PTN: variants seen among roughly 807,000 people sequenced by gnomAD.
PTN encodes heparin affin regulatory protein.
Under a neutral mutation model 24.1 loss-of-function variants are expected in PTN, and 18 were observed. That is an observed-to-expected ratio of 0.75 (90% confidence interval 0.52 to 1.11). The LOEUF (loss-of-function observed/expected upper bound fraction) is 1.11. PTN is among the 50% of genes least tolerant of loss of function. The pLI is 0.00. For missense variants in PTN, 163 were observed against 198.8 expected (o/e 0.82, Z 1.08); for synonymous variants, 78 against 68.6 (o/e 1.14, Z -0.67).
At chr7:137,274,187 A>G (rs1041088202) in intron 1 of PTN, among the ~76,000 whole-genome samples, 2 of 152,112 alleles carry the variant, frequency 1.3e-5, no homozygotes, top group East Asian at 3.9e-4. Context: ...CCTCCCTGCC[A>G]CACCCAATAG....
At chr7:137,340,553 A>G (rs1171251663) in intron 1 of PTN, among the ~76,000 whole-genome samples, 1 of 152,222 alleles carries the variant, frequency 6.6e-6, no homozygotes, top group South Asian at 2.1e-4. Context: ...GATGGAAAAA[A>G]GCAAGCCCAG....
chr7:137,340,984 G>T (rs2128884284), intron 1 of PTN, among the ~76,000 whole-genome samples: 1 of 152,184 alleles, frequency 6.6e-6, no homozygotes, highest in East Asian at 1.9e-4. Context: ...CTGACTTCAG[G>T]CCCTCAATCT....
chr7:137,333,638 A>C (rs1810397260), intron 1 of PTN, among the ~76,000 whole-genome samples: 1 of 152,206 alleles, frequency 6.6e-6, no homozygotes, highest in African/African-American at 2.4e-5. Context: ...AATATATTAC[A>C]TATATCTTTT....
intron 4 of PTN, among the ~76,000 whole-genome samples, chr7:137,233,359 T>A (rs1026196552): frequency 6.6e-6 from 1 of 152,042 alleles, no homozygotes; most frequent in African/African-American, 2.4e-5. Context: ...AAAACCTATA[T>A]CCTCCTCAGA....
chr7:137,256,337 T>C (rs935316442), intron 1 of PTN, among the ~76,000 whole-genome samples: 1 of 152,086 alleles, frequency 6.6e-6, no homozygotes, highest in African/African-American at 2.4e-5. Flanking sequence ...CCTCAACAGG[T>C]CCTGGTGTGT....
At chr7:137,231,539 G>A (rs1808426913) in intron 4 of PTN, among the ~76,000 whole-genome samples, 4 of 151,732 alleles carry the variant, frequency 2.6e-5, no homozygotes, top group South Asian at 4.2e-4. Context: ...TAATTATTTG[G>A]TATGTGTTTT....
At chr7:137,271,583 T>A (rs1809276050) in intron 1 of PTN, among the ~76,000 whole-genome samples, 1 of 152,254 alleles carries the variant, frequency 6.6e-6, no homozygotes, top group Admixed American at 6.5e-5. Context: ...GTTCAATTAT[T>A]CTGGGGAGCC....
At chr7:137,230,069 G>T (rs1265264279) in intron 4 of PTN, among the ~76,000 whole-genome samples, 1 of 151,710 alleles carries the variant, frequency 6.6e-6, no homozygotes, top group Non-Finnish European at 1.5e-5. Flanking sequence ...TATCTAAGTA[G>T]CAATTTTCAT....
At chr7:137,333,653 A>C (rs1810397393) in intron 1 of PTN, among the ~76,000 whole-genome samples, 2 of 152,152 alleles carry the variant, frequency 1.3e-5, no homozygotes, top group African/African-American at 4.8e-5. Context: ...TCTTTTTCAT[A>C]TTAAGAATGA....
intron 1 of PTN, among the ~76,000 whole-genome samples, chr7:137,329,090 T>TAGACAAG (rs1810308611): frequency 6.6e-6 from 1 of 152,180 alleles, no homozygotes; most frequent in East Asian, 1.9e-4. Flanking sequence ...AAGTTACTTC[T>TAGACAAG]GAGATACATT....
intron 1 of PTN, among the ~76,000 whole-genome samples, chr7:137,313,147 GACATTTC>G (rs1810012183): frequency 6.6e-6 from 1 of 151,984 alleles, no homozygotes; most frequent in African/African-American, 2.4e-5. Flanking sequence ...TCTCCAGAGA[GACATTTC>G]ACTGAGGGCC....
At chr7:137,342,724 T>C (rs1810554963) in intron 1 of PTN, among the ~76,000 whole-genome samples, 1 of 152,170 alleles carries the variant, frequency 6.6e-6, no homozygotes, top group African/African-American at 2.4e-5. Context: ...GTAACAAATA[T>C]ATCCTAAATT....
chr7:137,227,976 T>G lies in PTN; in HGVS notation c.*44A>C. The stretch of plus-strand genomic sequence containing the variant: ...ACATATAAATGCAATAGTTAACTGA[T>G]CCTGTTTGCTGATGTCCTTTTTATG... On this transcript the variant is annotated 3_prime_UTR_variant, in exon 5 of 5. Transcript: ENST00000348225. The G allele has an allele frequency of 6.3e-7, 1 of 1,599,828 alleles. No individual in the cohort carries two copies. The highest frequency in any genetic ancestry group is 8.5e-7 in the Non-Finnish European group (1 of 1,174,450).
chr7:137,314,844 C>T (rs1186693651), intron 1 of PTN, among the ~76,000 whole-genome samples: 1 of 152,128 alleles, frequency 6.6e-6, no homozygotes, highest in African/African-American at 2.4e-5. Flanking sequence ...CCGCCCGCCT[C>T]GGCCTCCCAA....
chr7:137,236,018 T>C, intron 4 of PTN: 1 of 593,092 alleles, frequency 1.7e-6, no homozygotes, highest in South Asian at 2.1e-5. Flanking sequence ...AGTTTAGCTA[T>C]GAAAGCACTA....
chr7:137,266,549 A>T (rs940102484), intron 1 of PTN, among the ~76,000 whole-genome samples: 12 of 151,834 alleles, frequency 7.9e-5, no homozygotes, highest in Non-Finnish European at 1.6e-4. Flanking sequence ...ATTTTTTTTT[A>T]AAAAAACAAC....
In PTN at chr7:137,269,814, G is replaced by A. The variant is rs1198358556; in HGVS notation, c.-1-14840C>T. ...TGCCCGGCTAATTTTTGTACTCTTA[G>A]TAGAGATGGGATTTCACCATGTTGG... On this transcript the variant is annotated intron_variant, in intron 1 of 4. Transcript: ENST00000348225. 2.0e-5 allele frequency among the ~76,000 whole-genome samples: 3 copies of A among 151,706 alleles called. No homozygotes were observed. In the East Asian group the frequency reaches 5.8e-4, roughly 30 times the overall value.
intron 4 of PTN, among the ~76,000 whole-genome samples, chr7:137,242,427 T>C (rs545349217): frequency 1.3e-5 from 2 of 151,986 alleles, no homozygotes; most frequent in Non-Finnish European, 2.9e-5. Flanking sequence ...GGGACTGACA[T>C]TCATTCCCTG....
chr7:137,340,720 C>T (rs1178407969), intron 1 of PTN, among the ~76,000 whole-genome samples: 1 of 152,188 alleles, frequency 6.6e-6, no homozygotes, highest in Non-Finnish European at 1.5e-5. Context: ...AGAAGCCCAA[C>T]TCAACATCAC....
Sources: gnomAD v4.1 joint callset for allele counts (sites outside exome capture counted in the v4.1 genomes callset) on GRCh38, gnomAD v4.1.1 for gene constraint, MANE v1.5 for transcripts, NCBI Gene and HGNC (gene_info 2026-07-23, HGNC 2026-07-21) for gene names.